The following RBFOX1 variants were observed in gnomAD, a reference collection of about 807,000 sequenced individuals.
RBFOX1 encodes RNA binding protein fox-1 homolog 1.
A neutral mutation model predicts 57.7 loss-of-function variants in RBFOX1; 8 were observed. The observed-to-expected ratio is 0.14, with a 90% CI of 0.08 to 0.25. RBFOX1 has a LOEUF of 0.25. RBFOX1 is among the 10% of genes least tolerant of loss of function. RBFOX1 has a pLI of 1.00. For missense variants in RBFOX1, 611 were observed against 548.5 expected (o/e 1.11, Z -1.14); for synonymous variants, 326 against 222.4 (o/e 1.47, Z -4.15).
intron 4 of RBFOX1, among the ~76,000 whole-genome samples, chr16:5,978,329 A>G (rs1453846527): frequency 6.6e-6 from 1 of 151,450 alleles, no homozygotes; most frequent in East Asian, 1.9e-4. Context: ...AGATAAAATA[A>G]AAATAAAAAA....
intron 2 of RBFOX1, among the ~76,000 whole-genome samples, chr16:6,632,337 G>GAA (rs35995716): frequency 1.5e-5 from 2 of 137,288 alleles, no homozygotes; most frequent in Non-Finnish European, 3.2e-5. Flanking sequence ...CAGGGAGAAA[G>GAA]AAAAAAAAAA....
Position 5,906,759 on chromosome 16 carries a change from G to A in RBFOX1, c.351+39424G>A, listed in dbSNP as rs1450082652. ...TTTTTTTTTTTTTTTTTTTGAGATG[G>A]AGTCTCGCACTGTCTTCCAGGCTGG... On this transcript the variant is annotated intron_variant, in intron 4 of 19. Coordinates refer to the RBFOX1 transcript ENST00000641259. 3.4e-5 allele frequency among the ~76,000 whole-genome samples: 4 copies of A among 116,622 alleles called. 1 individual carries two copies. Among genetic ancestry groups the A allele is most frequent in the South Asian group, 6.2e-4 (2 of 3,220 alleles). 76.5% of individuals were successfully genotyped at this position (116,622 alleles called of 152,430 possible).
chr16:5,653,778 G>T (rs997485767), intron 3 of RBFOX1, among the ~76,000 whole-genome samples: 1 of 152,168 alleles, frequency 6.6e-6, no homozygotes, highest in African/African-American at 2.4e-5. Context: ...AGCCCAGCCG[G>T]TTTACCTGCA....
rs1216025631 is a variant in RBFOX1, at chr16:5,454,898, CTTTCTT to C, written c.220-12316_220-12311del. Among the ~76,000 whole-genome samples the C allele has an allele frequency of 7.5e-5, 5 of 66,584 alleles. 1 individual carries two copies. The highest frequency in any genetic ancestry group is 6.0e-4 in the Admixed American group (4 of 6,666). 43.7% of individuals were successfully genotyped at this position (66,584 alleles called of 152,430 possible). A position where few individuals can be genotyped will look rare whatever the true frequency, so the allele number is the denominator to read the frequency against. ...TCTTTCTTTCTTTCTTTCTTTCTTT[CTTTCTT>C]TCTTTCTTTCCTTTGTTTCTTTCTT... On this transcript the variant is annotated intron_variant, in intron 1 of 2. Transcript: ENST00000585867.
intron 1 of RBFOX1, among the ~76,000 whole-genome samples, chr16:6,042,115 T>C (rs2095443335): frequency 1.3e-5 from 2 of 151,764 alleles, no homozygotes; most frequent in African/African-American, 4.8e-5. Flanking sequence ...TTTTTTTTTT[T>C]TTTGAGACAG....
chr16:5,919,428 C>G (rs1284158051), intron 4 of RBFOX1, among the ~76,000 whole-genome samples: 1 of 152,038 alleles, frequency 6.6e-6, no homozygotes, highest in East Asian at 1.9e-4. Flanking sequence ...CTGCAACTTC[C>G]TCCTCCTGGG....
intron 3 of RBFOX1, among the ~76,000 whole-genome samples, chr16:6,709,915 A>T (rs2063430746): frequency 6.6e-6 from 1 of 152,118 alleles, no homozygotes; most frequent in African/African-American, 2.4e-5. Context: ...TCGCTGTTCT[A>T]ACGGGGCCCT....
intron 4 of RBFOX1, among the ~76,000 whole-genome samples, chr16:6,009,097 T>C (rs933356962): frequency 6.6e-6 from 1 of 151,838 alleles, no homozygotes; most frequent in African/African-American, 2.4e-5. Flanking sequence ...GTTTGTCTTT[T>C]ACTTTTTTTT....
At chr16:5,589,771 A>G (rs9936062) in intron 2 of RBFOX1, among the ~76,000 whole-genome samples, 30,796 of 152,194 alleles carry the variant, frequency 0.2, 3,480 homozygotes, top group African/African-American at 0.29. Flanking sequence ...TCACTTTCCC[A>G]GGACTCACAC....
Position 7,518,347 on chromosome 16 carries a change from C to A in RBFOX1, c.228C>A (p.Ser76Arg). The A allele has an allele frequency of 6.2e-7, 1 of 1,613,570 alleles. No homozygotes were observed. The highest frequency in any genetic ancestry group is 8.5e-7 in the Non-Finnish European group (1 of 1,179,722). The change falls in exon 5 of 16, where the codon AGC (serine) becomes AGA (arginine). Residue 76 changes from serine (S) to arginine (R), a missense_variant. Coordinates refer to ENST00000550418, the MANE Select transcript of RBFOX1 (RefSeq NM_018723.4). Reference protein sequence around the residue: ...YPPAQTHSEQSPADTSAQTVS... With the variant: ...YPPAQTHSEQRPADTSAQTVS... Reference sequence around the variant, plus strand: ...CCGCCCAGACGCACTCCGAGCAGAGCCCGGCGGACACGAGCGCTCAGACCG... The same window carrying A: ...CCGCCCAGACGCACTCCGAGCAGAGACCGGCGGACACGAGCGCTCAGACCG...
At chr16:6,571,233 C>T (rs1426971237) in intron 2 of RBFOX1, among the ~76,000 whole-genome samples, 4 of 152,128 alleles carry the variant, frequency 2.6e-5, no homozygotes, top group African/African-American at 7.2e-5. Flanking sequence ...AGGCTCTTGC[C>T]GTTGATAATG....
intron 4 of RBFOX1, among the ~76,000 whole-genome samples, chr16:5,990,728 A>G (rs1328094457): frequency 6.6e-6 from 1 of 152,186 alleles, no homozygotes; most frequent in Non-Finnish European, 1.5e-5. Context: ...AACACTTCAG[A>G]AGGCTGAGGC....
intron 4 of RBFOX1, among the ~76,000 whole-genome samples, chr16:7,410,906 T>G (rs2098418251): frequency 6.6e-6 from 1 of 151,794 alleles, no homozygotes; most frequent in South Asian, 2.1e-4. Flanking sequence ...ATAAGTTCCA[T>G]CGATCTACTC....
At chr16:6,193,403 T>TA (rs1370068514) in intron 1 of RBFOX1, among the ~76,000 whole-genome samples, 1 of 101,258 alleles carries the variant, frequency 9.9e-6, no homozygotes, top group African/African-American at 4.5e-5. Flanking sequence ...TATATATATA[T>TA]ATATATATAT....
chr16:6,052,101 C>G (rs2095558145), intron 1 of RBFOX1, among the ~76,000 whole-genome samples: 2 of 152,114 alleles, frequency 1.3e-5, no homozygotes, highest in Middle Eastern at 3.2e-3. Flanking sequence ...ACTGGTCCTG[C>G]CATGCCCTTG....
chr16:6,360,682 A>C (rs1414725151), intron 2 of RBFOX1, among the ~76,000 whole-genome samples: 1 of 152,228 alleles, frequency 6.6e-6, no homozygotes, highest in African/African-American at 2.4e-5. Context: ...ATCTGAAATA[A>C]TCATCACAGA....
At position 7,497,279 on chromosome 16, in the gene RBFOX1, C is replaced by T. The variant is rs183581089; in HGVS notation, c.28-20868C>T. On this transcript the variant is annotated intron_variant, in intron 4 of 15. Transcript: ENST00000550418. ...ACACCTATACTCCAGCCATATTATC[C>T]TGTTTTCTGTGTTCTTTTATGCCCT... is the stretch of plus-strand genomic sequence containing the variant. 7.8e-4 allele frequency among the ~76,000 whole-genome samples: 119 copies of T among 152,260 alleles called. 1 individual carries two copies. Among genetic ancestry groups the T allele is most frequent in the Middle Eastern group, 3.4e-3 (1 of 294 alleles).
At chr16:6,779,014 C>T (rs142064782) in intron 3 of RBFOX1, among the ~76,000 whole-genome samples, 3 of 151,868 alleles carry the variant, frequency 2.0e-5, no homozygotes, top group Non-Finnish European at 2.9e-5. Context: ...GTTTTGCAAA[C>T]ATTCCAAAAC....
At chr16:7,218,074 TGC>T (rs1411594344) in intron 4 of RBFOX1, among the ~76,000 whole-genome samples, 10,865 of 131,860 alleles carry the variant, frequency 0.082, 1,044 homozygotes, top group African/African-American at 0.25. Context: ...TGTGTGTGTG[TGC>T]GTCTGTGTGT....
Sources: allele counts gnomAD v4.1 joint callset (sites outside exome capture counted in the v4.1 genomes callset), GRCh38; gene constraint gnomAD v4.1.1; transcripts MANE v1.5; gene names NCBI Gene and HGNC (gene_info 2026-07-23, HGNC 2026-07-21).